The following RGS5 variants were observed in gnomAD, a reference collection of about 807,000 sequenced individuals.
The protein encoded by RGS5 is regulator of G-protein signalling 5.
RGS5 carries 20 observed loss-of-function variants against 18.9 expected under a neutral mutation model. That is an observed-to-expected ratio of 1.06 (90% CI 0.74 to 1.54). The LOEUF (loss-of-function observed/expected upper bound fraction) is 1.54. Among genes scored for constraint, RGS5 ranks in the 40% most tolerant of loss-of-function variants. RGS5 has a pLI of 0.00. For synonymous variants in RGS5, 57 were observed against 76.2 expected (o/e 0.75, Z 1.31); for missense variants, 201 against 211.8 (o/e 0.95, Z 0.32).
chr1:163,197,882 C>A (rs944741705), intron 1 of RGS5, among the ~76,000 whole-genome samples: 1 of 152,136 alleles, frequency 6.6e-6, no homozygotes, highest in Admixed American at 6.6e-5. Context: ...ATCAGTTGTT[C>A]AAGCTAATTG....
chr1:163,236,971 A>G (rs1647639138), intron 2 of RGS5, among the ~76,000 whole-genome samples: 1 of 152,000 alleles, frequency 6.6e-6, no homozygotes, highest in South Asian at 2.1e-4. Flanking sequence ...AAAAAAAAAA[A>G]AAGATGGCCA....
At chr1:163,245,318 T>G (rs1232982440) in intron 2 of RGS5, among the ~76,000 whole-genome samples, 2 of 152,090 alleles carry the variant, frequency 1.3e-5, no homozygotes, top group African/African-American at 4.8e-5. Context: ...AAAGCTCACA[T>G]ACTTGTACAA....
intron 4 of RGS5, 35 bp from the exon 5 acceptor site, chr1:163,147,538 TAA>T (rs755575150): frequency 6.7e-7 from 1 of 1,486,942 alleles, no homozygotes; most frequent in Non-Finnish European, 9.0e-7. Context: ...TACATAAGCC[TAA>T]GTTATAGAAT....
intron 2 of RGS5, among the ~76,000 whole-genome samples, chr1:163,288,372 A>G (rs1000428907): frequency 6.6e-6 from 1 of 152,214 alleles, no homozygotes; most frequent in African/African-American, 2.4e-5. Flanking sequence ...AGTCACTGTC[A>G]GTCATCTGTT....
At chr1:163,305,660 A>G (rs1649676626) in intron 2 of RGS5, among the ~76,000 whole-genome samples, 1 of 152,174 alleles carries the variant, frequency 6.6e-6, no homozygotes, top group Non-Finnish European at 1.5e-5. Context: ...AGCTCTCCTA[A>G]GGATTCTCTC....
chr1:163,201,771 T>C (rs1402781627), intron 1 of RGS5, among the ~76,000 whole-genome samples: 2 of 152,194 alleles, frequency 1.3e-5, no homozygotes, highest in African/African-American at 4.8e-5. Flanking sequence ...ACAGAAGTCA[T>C]AGATGGCCCT....
At chr1:163,178,817 TGAAGTTTCCATTACAGAA>T (rs1220959642) in intron 1 of RGS5, among the ~76,000 whole-genome samples, 2 of 152,112 alleles carry the variant, frequency 1.3e-5, no homozygotes, top group African/African-American at 4.8e-5. Flanking sequence ...ATAAATGTGG[TGAAGTTTCCATTACAGAA>T]GAAAAGTCAT....
chr1:163,312,021 T>C (rs2101650371), intron 1 of RGS5, among the ~76,000 whole-genome samples: 2 of 152,348 alleles, frequency 1.3e-5, no homozygotes, highest in East Asian at 3.9e-4. Context: ...TGGCTTTGTG[T>C]CTCCACTCAA....
intron 1 of RGS5, among the ~76,000 whole-genome samples, chr1:163,171,702 G>A (rs540870406): frequency 6.6e-6 from 1 of 152,252 alleles, no homozygotes; most frequent in East Asian, 1.9e-4. Flanking sequence ...CAAAGAAATC[G>A]AATGTATGTA....
chr1:163,261,280 C>T (rs1648427368), intron 2 of RGS5, among the ~76,000 whole-genome samples: 1 of 152,126 alleles, frequency 6.6e-6, no homozygotes, highest in Non-Finnish European at 1.5e-5. Context: ...CCATGGTCCT[C>T]TCTCAGTGGC....
intron 2 of RGS5, among the ~76,000 whole-genome samples, chr1:163,236,960 CAAA>C (rs36104212): frequency 7.9e-6 from 1 of 127,096 alleles, no homozygotes; most frequent in Non-Finnish European, 1.7e-5. Flanking sequence ...GACTGTGTCT[CAAA>C]AAAAAAAAAA....
chr1:163,232,958 T>G (rs969366771), intron 2 of RGS5, among the ~76,000 whole-genome samples: 5 of 152,224 alleles, frequency 3.3e-5, no homozygotes, highest in Non-Finnish European at 7.3e-5. Flanking sequence ...ATTCAGCCTA[T>G]GTTCACATTT....
At chr1:163,149,930 T>C (rs1003929217) in intron 4 of RGS5, among the ~76,000 whole-genome samples, 3 of 152,220 alleles carry the variant, frequency 2.0e-5, no homozygotes, top group African/African-American at 7.2e-5. Context: ...CACAAGATGG[T>C]TACAGTTAAA....
In RGS5 at chr1:163,147,421, T is replaced by G; in HGVS notation, c.467A>C (p.Lys156Thr). Residue 156 changes from lysine to threonine, a missense_variant, in exon 5 of 5, where the codon AAA becomes ACA. Physicochemically the swap from Lys to Thr is moderately conservative, Grantham distance 78. Transcript: ENST00000313961. ...CTTTTCCATCAGGGCATGGATTCTT[T>G]TCTGGGCCATGTCAAAGCTGCTCAG... ...PSLSSFDMAQ[K>T]RIHALMEKDS... The G allele has an allele frequency of 6.2e-7, 1 of 1,613,404 alleles. No homozygotes were observed. The highest frequency in any genetic ancestry group is 8.5e-7 in the Non-Finnish European group (1 of 1,179,582).
chr1:163,153,953 A>G (rs1262081032), intron 3 of RGS5, among the ~76,000 whole-genome samples: 1 of 152,138 alleles, frequency 6.6e-6, no homozygotes, highest in Non-Finnish European at 1.5e-5. Flanking sequence ...CTAATTTTCC[A>G]GAAGCTGTGT....
At chr1:163,225,439 T>C (rs527299342) in intron 2 of RGS5, among the ~76,000 whole-genome samples, 2 of 152,222 alleles carry the variant, frequency 1.3e-5, no homozygotes, top group Admixed American at 1.3e-4. Flanking sequence ...TAGAATTAAG[T>C]CTTGTGTTTG....
chr1:163,314,940 T>C (rs1486996018), intron 1 of RGS5, among the ~76,000 whole-genome samples: 4 of 152,204 alleles, frequency 2.6e-5, no homozygotes, highest in African/African-American at 9.7e-5. Flanking sequence ...ACATTTCTGT[T>C]GCTTTTAAGG....
rs181955978 is a variant in RGS5 at position 163,243,413 on chromosome 1, C to T, written c.-281+62820G>A. On this transcript the variant is annotated intron_variant, in intron 2 of 5. Transcript: ENST00000618415. ...CTGTAATCCCAGCACTCTGGGAGGC[C>T]GAGCGGGGTGGATCACGAGATCAGG... Among the ~76,000 whole-genome samples, 484 of 152,028 alleles carry T rather than the reference C, an allele frequency of 3.2e-3. 5 individuals are homozygous for T. The highest frequency in any genetic ancestry group is 0.011 in the African/African-American group (460 of 41,464).
In RGS5 at chr1:163,246,513, G is replaced by A. The variant is rs575607103; in HGVS notation, c.-281+59720C>T. ...TTGAACCCAGGAGGTGGAGGTTGCA[G>A]TGAGCCTAGATTGTGCCACTGCACT... On this transcript the variant is annotated intron_variant, in intron 2 of 5. Coordinates refer to the RGS5 transcript ENST00000618415. Among the ~76,000 whole-genome samples the A allele has an allele frequency of 2.3e-4, 35 of 152,214 alleles. No individual in the cohort carries two copies. In the South Asian group the frequency reaches 6.2e-3, roughly 27 times the overall value.
Sources: gnomAD v4.1 joint callset for allele counts (sites outside exome capture counted in the v4.1 genomes callset) on GRCh38, gnomAD v4.1.1 for gene constraint, MANE v1.5 for transcripts, NCBI Gene and HGNC (gene_info 2026-07-23, HGNC 2026-07-21) for gene names.